The following UNC5C variants were observed in gnomAD, a reference collection of about 807,000 sequenced individuals.
UNC5C encodes the protein netrin receptor UNC5C.
In UNC5C, 47 loss-of-function variants were observed where a neutral mutation model predicts 99.8. That is an observed-to-expected ratio of 0.47 (90% confidence interval 0.37 to 0.60). UNC5C has a LOEUF of 0.60. Among genes scored for constraint, UNC5C ranks in the 20% least tolerant of loss-of-function variants. UNC5C has a pLI of 0.00. For synonymous variants in UNC5C, 487 were observed against 452.2 expected, an observed-to-expected ratio of 1.08 and a Z score of -0.98; for missense variants, 1,062 against 1,165.9, an observed-to-expected ratio of 0.91 and a Z score of 1.30.
intron 1 of UNC5C, among the ~76,000 whole-genome samples, chr4:95,461,819 C>T (rs1747608874): frequency 6.6e-6 from 1 of 152,190 alleles, no homozygotes; most frequent in African/African-American, 2.4e-5. Context: ...AGTGACCATG[C>T]TTGCAAAGCT....
chr4:95,524,598 TG>T (rs1485568880), intron 1 of UNC5C, among the ~76,000 whole-genome samples: 6 of 152,180 alleles, frequency 3.9e-5, no homozygotes, highest in African/African-American at 1.4e-4. Context: ...TGGAGTCTTT[TG>T]TTTTAGACGG....
intron 7 of UNC5C, among the ~76,000 whole-genome samples, chr4:95,234,945 T>C (rs1474806035): frequency 6.6e-6 from 1 of 152,064 alleles, no homozygotes; most frequent in East Asian, 1.9e-4. Context: ...AGTATAAGAG[T>C]TTAAATTATG....
At chr4:95,522,888 C>T (rs1347688213) in intron 1 of UNC5C, among the ~76,000 whole-genome samples, 1 of 144,110 alleles carries the variant, frequency 6.9e-6, no homozygotes, top group African/African-American at 2.4e-5. Flanking sequence ...TTCTGGTCTT[C>T]TGCAATGCCA....
rs141002333 is a variant in UNC5C at position 95,248,217 on chromosome 4, T to G, written c.775+2270A>C. 979 of 242,528 alleles carry G rather than the reference T, an allele frequency of 4.0e-3. 8 individuals are homozygous for G. The highest frequency in any genetic ancestry group is 0.022 in the African/African-American group (923 of 42,502). The allele number at this position is 242,528 out of a possible 1,614,324, so 15.0% of individuals were successfully genotyped here. On this transcript the variant is annotated intron_variant, in intron 5 of 15. Transcript: ENST00000453304. ...TTTACTTCCACTCTTTTAGGATTTT[T>G]TTTTTGGCTGGGCCTAAGAATTAAA...
chr4:95,258,746 C>CTCTT (rs1740103233), intron 4 of UNC5C, among the ~76,000 whole-genome samples: 1 of 76,054 alleles, frequency 1.3e-5, no homozygotes, highest in Non-Finnish European at 2.7e-5. Context: ...CCATCTTATT[C>CTCTT]TTTTTTTTTT....
In UNC5C at chr4:95,522,540, A is replaced by G. The variant is rs186771593; in HGVS notation, c.124+26194T>C. Among the ~76,000 whole-genome samples, 315 of 152,298 alleles carry G rather than the reference A, an allele frequency of 2.1e-3. 2 individuals carry two copies. Among genetic ancestry groups the G allele is most frequent in the African/African-American group, 7.0e-3 (290 of 41,554 alleles). On this transcript the variant is annotated intron_variant, in intron 1 of 15. Transcript: ENST00000453304. ...CAATTTCATCTTTATGAAGAAGTTAACATGAAAAGCAACCTACACACAAAA... is the reference window on the plus strand; with the variant it reads ...CAATTTCATCTTTATGAAGAAGTTAGCATGAAAAGCAACCTACACACAAAA...
intron 1 of UNC5C, among the ~76,000 whole-genome samples, chr4:95,513,380 G>A (rs2149488052): frequency 6.6e-6 from 1 of 152,190 alleles, no homozygotes; most frequent in Non-Finnish European, 1.5e-5. Flanking sequence ...GGTAATGGTT[G>A]GATAAACAAA....
intron 2 of UNC5C, among the ~76,000 whole-genome samples, chr4:95,322,518 T>C (rs1196941291): frequency 6.6e-6 from 1 of 152,160 alleles, no homozygotes; most frequent in African/African-American, 2.4e-5. Context: ...TCCAATCTAG[T>C]TGAAGAGACA....
At chr4:95,287,099 C>G (rs1392287502) in intron 3 of UNC5C, among the ~76,000 whole-genome samples, 2 of 152,160 alleles carry the variant, frequency 1.3e-5, no homozygotes, top group Non-Finnish European at 2.9e-5. Context: ...GAGCCTTTTG[C>G]TTCTGACTGT....
chr4:95,170,291 G>A lies in UNC5C; in HGVS notation c.2493C>T (p.Asn831=). 5.0e-6 allele frequency: 8 copies of A among 1,614,188 alleles called. No homozygotes were observed. Among genetic ancestry groups the A allele is most frequent in the Non-Finnish European group, 6.8e-6 (8 of 1,180,032 alleles). The change falls in exon 15 of 16, where the codon AAC becomes AAT. Residue 831 remains asparagine, a synonymous_variant. Transcript: ENST00000453304. ...TGGGCCCCGTGACCGTGGTGATGGT[G>A]TTCGCAGGATCCAGCAGCGGCAAAT... ...GIDLPLLDPA[N]TITTVTGPSA...
At chr4:95,403,178 A>T (rs1453626277) in intron 1 of UNC5C, among the ~76,000 whole-genome samples, 1 of 152,212 alleles carries the variant, frequency 6.6e-6, no homozygotes, top group Non-Finnish European at 1.5e-5. Flanking sequence ...TCTACTTGAG[A>T]TAATCAGGAG....
chr4:95,437,738 T>G (rs1466272370), intron 1 of UNC5C, among the ~76,000 whole-genome samples: 1 of 152,076 alleles, frequency 6.6e-6, no homozygotes, highest in East Asian at 1.9e-4. Flanking sequence ...AGGTCTGCCA[T>G]TGACGCTGAT....
At position 95,169,131 on chromosome 4, in the gene UNC5C, GT is replaced by G; in HGVS notation, c.*102del. ...CTCCTGCTGCAGTCTTGCCTGTGAAGTGCATTGGTCTCATCTGGATTTCCTC... is the reference window on the plus strand; with the variant it reads ...CTCCTGCTGCAGTCTTGCCTGTGAAGGCATTGGTCTCATCTGGATTTCCTC... On this transcript the variant is annotated 3_prime_UTR_variant, in exon 16 of 16. Transcript: ENST00000453304. 1 of 1,436,992 alleles carries G rather than the reference GT, an allele frequency of 7.0e-7. No homozygotes were observed. The highest frequency in any genetic ancestry group is 9.6e-7 in the Non-Finnish European group (1 of 1,046,170). 89.0% of individuals were successfully genotyped at this position (1,436,992 alleles called of 1,614,324 possible).
chr4:95,196,231 TGAAAG>T (rs1737377108), intron 12 of UNC5C, among the ~76,000 whole-genome samples: 1 of 152,120 alleles, frequency 6.6e-6, no homozygotes. Context: ...TTGCAAATAA[TGAAAG>T]GAAAACACCT....
rs376565028 is a variant in UNC5C, at chr4:95,218,570, A to T, written c.1645+399T>A. Among the ~76,000 whole-genome samples, 12 of 152,326 alleles carry T rather than the reference A, an allele frequency of 7.9e-5. No individual in the cohort carries two copies. The East Asian group carries it at 1.7e-3, about 22-fold the overall frequency. On this transcript the variant is annotated intron_variant, in intron 9 of 15. Transcript: ENST00000453304. The stretch of plus-strand genomic sequence containing the variant: ...GATCAAAAAATTTGTTTTCTGTATT[A>T]TTGCTTCATGTAGTAAATTGGAACT...
chr4:95,500,940 T>G (rs1368610401), intron 1 of UNC5C, among the ~76,000 whole-genome samples: 1 of 152,128 alleles, frequency 6.6e-6, no homozygotes, highest in Non-Finnish European at 1.5e-5. Context: ...GTTACAACTT[T>G]CTAACATCAA....
chr4:95,420,671 A>G (rs1365950232), intron 1 of UNC5C, among the ~76,000 whole-genome samples: 1 of 152,164 alleles, frequency 6.6e-6, no homozygotes, highest in Non-Finnish European at 1.5e-5. Context: ...ACTGGTTTCA[A>G]TAAAAAGGTA....
At chr4:95,536,077 TATA>T (rs1196547146) in intron 1 of UNC5C, among the ~76,000 whole-genome samples, 9,546 of 121,716 alleles carry the variant, frequency 0.078, 389 homozygotes, top group South Asian at 0.13. Context: ...TATATATATA[TATA>T]TATTTTTTTT....
intron 1 of UNC5C, among the ~76,000 whole-genome samples, chr4:95,439,953 G>C (rs1223891397): frequency 1.3e-5 from 2 of 152,158 alleles, no homozygotes; most frequent in African/African-American, 2.4e-5. Flanking sequence ...CAGGAAGAGA[G>C]GACAAGCTAA....
Sources: gnomAD v4.1 joint callset for allele counts (sites outside exome capture counted in the v4.1 genomes callset) on GRCh38, gnomAD v4.1.1 for gene constraint, MANE v1.5 for transcripts, NCBI Gene and HGNC (gene_info 2026-07-23, HGNC 2026-07-21) for gene names.